ZNF395: variants seen among roughly 807,000 people sequenced by gnomAD.
ZNF395 encodes HD gene regulatory region-binding protein 2.
In ZNF395, 20 loss-of-function variants were observed where a neutral mutation model predicts 57.7. The observed-to-expected ratio is 0.35, with a 90% CI of 0.24 to 0.50. ZNF395 has a LOEUF of 0.50. Ranked by LOEUF, ZNF395 falls within the 20% of genes least tolerant of loss-of-function variation. The pLI, the probability that ZNF395 is intolerant of heterozygous loss-of-function variation, is 0.97. For missense variants in ZNF395, 606 were observed against 671.2 expected, an observed-to-expected ratio of 0.90 and a Z score of 1.07; for synonymous variants, 295 against 275.9, an observed-to-expected ratio of 1.07 and a Z score of -0.69.
intron 1 of ZNF395, among the ~76,000 whole-genome samples, chr8:28,374,496 C>T (rs933184657): frequency 3.3e-5 from 5 of 152,122 alleles, no homozygotes; most frequent in Middle Eastern, 3.4e-3. Context: ...AGAAAAGAAA[C>T]AGTCCCTGTT....
intron 1 of ZNF395, among the ~76,000 whole-genome samples, chr8:28,384,497 C>T (rs1202989862): frequency 1.3e-5 from 2 of 152,224 alleles, no homozygotes; most frequent in Non-Finnish European, 2.9e-5. Flanking sequence ...CATTCCCTCT[C>T]TTGGCGTCTG....
At chr8:28,351,957 C>CA in intron 6 of ZNF395, 150 bp from the exon 7 acceptor site, 4 of 810,280 alleles carry the variant, frequency 4.9e-6, no homozygotes. Context: ...TCGCTCCTGA[C>CA]GGGTGTCACC....
chr8:28,362,054 T>C (rs746329729), intron 1 of ZNF395, among the ~76,000 whole-genome samples: 1 of 147,134 alleles, frequency 6.8e-6, no homozygotes, highest in Non-Finnish European at 1.5e-5. Context: ...ATCACACCAC[T>C]GCACTCCAGC....
At chr8:28,376,180 G>A (rs1210879808) in intron 1 of ZNF395, among the ~76,000 whole-genome samples, 2 of 151,540 alleles carry the variant, frequency 1.3e-5, no homozygotes, top group Non-Finnish European at 2.9e-5. Context: ...TCACCATGTT[G>A]CCCGGGCTGG....
At chr8:28,362,756 T>C (rs1033146450) in intron 1 of ZNF395, among the ~76,000 whole-genome samples, 1 of 152,082 alleles carries the variant, frequency 6.6e-6, no homozygotes, top group African/African-American at 2.4e-5. Context: ...TTCGCAAACA[T>C]CTCCATAGTA....
chr8:28,364,317 C>T (rs556797847), intron 1 of ZNF395, among the ~76,000 whole-genome samples: 194 of 152,244 alleles, frequency 1.3e-3, no homozygotes, highest in African/African-American at 4.5e-3. Flanking sequence ...TTTTCATCAA[C>T]TTGGTGTTTT....
intron 1 of ZNF395, among the ~76,000 whole-genome samples, chr8:28,384,123 TG>T (rs200438414): frequency 0.013 from 1,969 of 152,308 alleles, 11 homozygotes; most frequent in Non-Finnish European, 0.019. Context: ...GCCTGCTCAC[TG>T]ATGTGTCCCC....
At position 28,356,910 on chromosome 8, in the gene ZNF395, GCCC is replaced by G. The variant is rs1585854042; in HGVS notation, c.474-134_474-132del. 61 of 671,282 alleles carry G rather than the reference GCCC, an allele frequency of 9.1e-5. No individual in the cohort carries two copies. In the East Asian group the frequency reaches 1.7e-3, roughly 19 times the overall value. The allele number at this position is 671,282 out of a possible 1,614,324, so 41.6% of individuals were successfully genotyped here. On this transcript the variant is annotated intron_variant, in intron 3 of 9. Transcript: ENST00000344423. The surrounding 1 kb of genome is among the most constrained non-coding windows in gnomAD (Gnocchi z 4.0). ...CACTTCTGGACTGTCCCCTCCAAGT[GCCC>G]CCAACTCCAATCAGCCAGTGTGTGC...
At chr8:28,381,057 G>GTGTGTT (rs1412073995) in intron 1 of ZNF395, among the ~76,000 whole-genome samples, 2 of 139,710 alleles carry the variant, frequency 1.4e-5, no homozygotes, top group Non-Finnish European at 3.1e-5. Flanking sequence ...GTGTGTGTGT[G>GTGTGTT]TTTTGACGGA....
At chr8:28,355,389 T>C (rs1801766706) in intron 4 of ZNF395, among the ~76,000 whole-genome samples, 1 of 152,026 alleles carries the variant, frequency 6.6e-6, no homozygotes, top group Admixed American at 6.6e-5. Context: ...ATATTTCCAC[T>C]GACTTCAGCT....
At chr8:28,364,990 C>T (rs555928677) in intron 1 of ZNF395, among the ~76,000 whole-genome samples, 74 of 152,306 alleles carry the variant, frequency 4.9e-4, no homozygotes, top group African/African-American at 1.8e-3. Flanking sequence ...TGCCCTCTGG[C>T]AGGGCACGCA....
intron 1 of ZNF395, among the ~76,000 whole-genome samples, chr8:28,374,529 T>C (rs565932669): frequency 6.6e-6 from 1 of 152,300 alleles, no homozygotes; most frequent in East Asian, 1.9e-4. Context: ...ATAATATGTT[T>C]GGGGGCAATT....
chr8:28,351,159 G>GAC (rs1339873109), intron 7 of ZNF395, among the ~76,000 whole-genome samples: 2 of 152,154 alleles, frequency 1.3e-5, no homozygotes, highest in Non-Finnish European at 2.9e-5. Flanking sequence ...CACAATTCTA[G>GAC]GACCTAGACG....
intron 1 of ZNF395, among the ~76,000 whole-genome samples, chr8:28,377,743 T>TCC (rs1389680287): frequency 2.2e-5 from 3 of 138,694 alleles, no homozygotes; most frequent in Non-Finnish European, 4.5e-5. Flanking sequence ...GGCATGATGA[T>TCC]CCCACTTTTT....
intron 1 of ZNF395, chr8:28,365,259 AGGTG>A (rs1801897303): frequency 6.6e-6 from 1 of 152,294 alleles, no homozygotes; most frequent in South Asian, 2.1e-4. Context: ...GTCTGCCAAC[AGGTG>A]GGTCAAGGAG....
At position 28,351,824 on chromosome 8, in the gene ZNF395, T is replaced by G. The variant is rs201916369; in HGVS notation, c.921-17A>C. Reference sequence around the variant, plus strand: ...ACTGTGTCCCTGTGTGGGAGGGAGATGCGGTATAATCAGGGGCACCCTGCC... The same window carrying G: ...ACTGTGTCCCTGTGTGGGAGGGAGAGGCGGTATAATCAGGGGCACCCTGCC... On this transcript the variant is annotated splice_polypyrimidine_tract_variant and intron_variant, in intron 6 of 9. Transcript: ENST00000344423. 2.5e-4 allele frequency: 382 copies of G among 1,529,628 alleles called. No homozygotes were observed. The African/African-American group carries it at 3.2e-3, about 13-fold the overall frequency. The allele number at this position is 1,529,628 out of a possible 1,614,324, so 94.8% of individuals were successfully genotyped here.
At chr8:28,370,978 A>C (rs1379086370) in intron 1 of ZNF395, among the ~76,000 whole-genome samples, 1 of 152,200 alleles carries the variant, frequency 6.6e-6, no homozygotes, top group East Asian at 1.9e-4. Flanking sequence ...TCAAAGACTT[A>C]AGTGCCAGTC....
rs1801635833 is a variant in ZNF395, at chr8:28,348,507, G to C, written c.*212C>G. 2.2e-5 allele frequency: 12 copies of C among 536,104 alleles called. No individual in the cohort carries two copies. Among genetic ancestry groups the C allele is most frequent in the South Asian group, 1.4e-4 (7 of 49,504 alleles). 33.2% of individuals were successfully genotyped at this position (536,104 alleles called of 1,614,324 possible). The stretch of plus-strand genomic sequence containing the variant: ...TCAGTTTTGGCTCTCTCCTATTTTA[G>C]GGGGAAAAATATTTTTGTTTCTTTT... On this transcript the variant is annotated 3_prime_UTR_variant, in exon 10 of 10. Coordinates refer to ENST00000344423, the MANE Select transcript of ZNF395 (RefSeq NM_018660.3).
chr8:28,351,586 T>G lies in ZNF395; in HGVS notation c.1142A>C (p.His381Pro), dbSNP rs1265824808. The G allele has an allele frequency of 1.9e-6, 3 of 1,613,742 alleles. No individual in the cohort carries two copies. The South Asian group carries it at 3.3e-5, about 18-fold the overall frequency. Residue 381 changes from histidine to proline, a missense_variant, in exon 7 of 10, where the codon CAT (histidine) becomes CCT (proline). His to Pro is a moderately conservative substitution (Grantham distance 77). Transcript: ENST00000344423. ...LHKAQSSGPEHPGPESSLPSG... is the reference protein window; with the variant it reads ...LHKAQSSGPEPPGPESSLPSG... ...GGGCAGGGAGGACTCCGGGCCAGGA[T>G]GTTCTGGGCCGGAGGACTGGGCTTT...
Sources: gnomAD v4.1 joint callset for allele counts (sites outside exome capture counted in the v4.1 genomes callset) on GRCh38, gnomAD v4.1.1 for gene constraint, Gnocchi (gnomAD v3.1) non-coding constraint, MANE v1.5 for transcripts, NCBI Gene and HGNC (gene_info 2026-07-23, HGNC 2026-07-21) for gene names.